ACER3: variants seen among roughly 807,000 people sequenced by gnomAD.
ACER3 encodes alkaline ceramidase 3, also known as alkCDase 3.
ACER3 carries 16 observed loss-of-function variants against 48.9 expected under a neutral mutation model. The observed-to-expected ratio is 0.33, with a 90% CI of 0.22 to 0.50. ACER3 has a LOEUF of 0.50. Ranked by LOEUF, ACER3 falls within the 20% of genes least tolerant of loss-of-function variation. The pLI, the probability that ACER3 is intolerant of heterozygous loss-of-function variation, is 0.98. For synonymous variants in ACER3, 109 were observed against 107.8 expected (o/e 1.01, Z -0.07); for missense variants, 227 against 326.0 (o/e 0.70, Z 2.34).
In ACER3 at chr11:77,019,796, C is replaced by A; in HGVS notation, c.750+20C>A. On this transcript the variant is annotated intron_variant, in intron 10 of 10. Transcript: ENST00000532485. ...GTGAAGGTAAGTCCACTTCCTAGGT[C>A]CTGTGTGTGTGTTGGGGGTATGGTA... 1.2e-6 allele frequency: 2 copies of A among 1,611,476 alleles called. No individual in the cohort carries two copies. The highest frequency in any genetic ancestry group is 1.7e-6 in the Non-Finnish European group (2 of 1,177,768).
At chr11:77,020,137 C>G in intron 10 of ACER3, 137 bp from the exon 11 acceptor site, 2 of 776,746 alleles carry the variant, frequency 2.6e-6, no homozygotes, top group Non-Finnish European at 4.2e-6. Flanking sequence ...AAACTGTGCT[C>G]AGGCTGCTAA....
chr11:76,951,951 GC>G (rs927445355), intron 2 of ACER3, among the ~76,000 whole-genome samples: 20 of 152,242 alleles, frequency 1.3e-4, no homozygotes, highest in African/African-American at 4.1e-4. Context: ...ATAACTACTG[GC>G]CTTATCAAAC....
intron 2 of ACER3, among the ~76,000 whole-genome samples, chr11:76,939,406 C>T (rs547302584): frequency 6.6e-6 from 1 of 152,292 alleles, no homozygotes; most frequent in East Asian, 1.9e-4. Flanking sequence ...GCCTGGGCAA[C>T]ATAGTGAGAC....
rs759196304 is a variant in ACER3 at position 76,976,338 on chromosome 11, G to C, written c.317G>C (p.Cys106Ser). ...MIYSCCIFVY[C>S]MFECFKIKNS... ...TACAGCTGTTGCATATTTGTGTACT[G>C]CATGTAAGTACTTTTAAAATTTCAT... The change falls in exon 4 of 11, where the codon TGC (cysteine) becomes TCC (serine). Residue 106 changes from cysteine to serine, a missense_variant. By Grantham distance (112) the Cys-to-Ser change is moderately radical. Coordinates refer to ENST00000532485, the MANE Select transcript of ACER3 (RefSeq NM_018367.7). 6.3e-7 allele frequency: 1 copy of C among 1,586,604 alleles called. No homozygotes were observed. Among genetic ancestry groups the C allele is most frequent in the African/African-American group, 1.3e-5 (1 of 74,074 alleles).
At chr11:76,875,263 G>T (rs1180255536) in intron 1 of ACER3, among the ~76,000 whole-genome samples, 1 of 151,596 alleles carries the variant, frequency 6.6e-6, no homozygotes, top group Non-Finnish European at 1.5e-5. Context: ...ACAGGCGCAG[G>T]CCACTACACC....
chr11:76,940,508 A>G (rs754856861), intron 2 of ACER3, among the ~76,000 whole-genome samples: 5 of 152,230 alleles, frequency 3.3e-5, no homozygotes, highest in Non-Finnish European at 5.9e-5. Context: ...ATAAGTACAT[A>G]TAGACAATAG....
At chr11:76,930,798 G>A (rs1370776028) in intron 2 of ACER3, among the ~76,000 whole-genome samples, 1 of 152,072 alleles carries the variant, frequency 6.6e-6, no homozygotes, top group Non-Finnish European at 1.5e-5. Context: ...TTAATCCTAA[G>A]TTCTAGTTTG....
intron 1 of ACER3, among the ~76,000 whole-genome samples, chr11:76,916,746 G>T (rs186184249): frequency 6.6e-6 from 1 of 152,002 alleles, no homozygotes; most frequent in African/African-American, 2.4e-5. Flanking sequence ...TTTGACCTTT[G>T]AATAAATCAA....
intron 3 of ACER3, among the ~76,000 whole-genome samples, chr11:76,970,941 G>A (rs777745273): frequency 1.3e-5 from 2 of 152,014 alleles, no homozygotes; most frequent in African/African-American, 4.8e-5. Context: ...TGCCCATTCC[G>A]GACATTTCAT....
intron 1 of ACER3, among the ~76,000 whole-genome samples, chr11:76,900,573 A>C (rs572515271): frequency 6.6e-6 from 1 of 151,704 alleles, no homozygotes; most frequent in Non-Finnish European, 1.5e-5. Flanking sequence ...TAATCCCAGC[A>C]CTTTGGAAAG....
intron 4 of ACER3, among the ~76,000 whole-genome samples, chr11:76,983,530 G>T (rs559419991): frequency 1.3e-5 from 2 of 152,192 alleles, no homozygotes; most frequent in South Asian, 4.1e-4. Context: ...GCCCAAGCTG[G>T]TCTCGAACTC....
At chr11:77,011,675 T>G (rs1467662697) in intron 7 of ACER3, among the ~76,000 whole-genome samples, 1 of 152,154 alleles carries the variant, frequency 6.6e-6, no homozygotes. Context: ...ACGAATCACC[T>G]TTTACGTTCA....
chr11:76,875,276 G>A lies in ACER3; in HGVS notation c.103+14197G>A, dbSNP rs1223757155. On this transcript the variant is annotated intron_variant, in intron 1 of 10. Transcript: ENST00000532485. ...TTACAGGCGCAGGCCACTACACCGG[G>A]CTAATTTTCGTATTTTTAGTAGAGA... 2.6e-5 allele frequency among the ~76,000 whole-genome samples: 4 copies of A among 151,708 alleles called. No individual in the cohort carries two copies. The East Asian group carries it at 7.8e-4, about 29-fold the overall frequency.
intron 7 of ACER3, among the ~76,000 whole-genome samples, chr11:77,011,860 A>G (rs1949271178): frequency 6.6e-6 from 1 of 152,196 alleles, no homozygotes; most frequent in Non-Finnish European, 1.5e-5. Flanking sequence ...GCATTCTGTA[A>G]AATTCAACAC....
chr11:76,896,429 C>T (rs1025369571), intron 1 of ACER3, among the ~76,000 whole-genome samples: 1 of 124,650 alleles, frequency 8.0e-6, no homozygotes, highest in African/African-American at 6.2e-5. Context: ...GAAGCTAAGG[C>T]GGGCAGATCG....
chr11:76,867,494 A>AAAAG (rs1565149465), intron 1 of ACER3, among the ~76,000 whole-genome samples: 2 of 39,980 alleles, frequency 5.0e-5, no homozygotes, highest in Non-Finnish European at 9.9e-5. Flanking sequence ...AAAAAAAAAA[A>AAAAG]AAAGAAAGAA....
At chr11:76,901,514 C>G (rs1946081849) in intron 1 of ACER3, among the ~76,000 whole-genome samples, 1 of 152,114 alleles carries the variant, frequency 6.6e-6, no homozygotes, top group African/African-American at 2.4e-5. Context: ...AGTAGTGTAG[C>G]AGGACGAGCC....
At chr11:76,867,855 G>A (rs921399447) in intron 1 of ACER3, among the ~76,000 whole-genome samples, 2 of 152,124 alleles carry the variant, frequency 1.3e-5, no homozygotes, top group Non-Finnish European at 2.9e-5. Flanking sequence ...TTCAAGCTAG[G>A]TATTGTTCCT....
At chr11:76,926,733 C>G in intron 2 of ACER3, 66 bp downstream of exon 2, 2 of 1,103,248 alleles carry the variant, frequency 1.8e-6, no homozygotes, top group Non-Finnish European at 2.6e-6. Flanking sequence ...TCATTCATTT[C>G]TAAAAGCGGT....
Sources: allele counts gnomAD v4.1 joint callset (sites outside exome capture counted in the v4.1 genomes callset), GRCh38; gene constraint gnomAD v4.1.1; transcripts MANE v1.5; gene names NCBI Gene and HGNC (gene_info 2026-07-23, HGNC 2026-07-21).